Variants in BCKDHA observed in about 807,000 individuals in gnomAD.
BCKDHA encodes 2-oxoisovalerate dehydrogenase subunit alpha, mitochondrial.
In BCKDHA, 43 loss-of-function variants were observed where a neutral mutation model predicts 52.2. That is an observed-to-expected ratio of 0.82 (90% CI 0.64 to 1.06). The LOEUF (loss-of-function observed/expected upper bound fraction) is 1.06. Among genes scored for constraint, BCKDHA ranks in the 50% least tolerant of loss-of-function variants. The pLI is 0.00. For synonymous variants in BCKDHA, 234 were observed against 247.9 expected, an observed-to-expected ratio of 0.94 and a Z score of 0.53; for missense variants, 527 against 621.3, an observed-to-expected ratio of 0.85 and a Z score of 1.61.
In BCKDHA at chr19:41,400,822, C is replaced by A. The variant is rs527553508; in HGVS notation, c.108+2887C>A. ...GCCAGGAGTTCAAGACCAGCCTGGC[C>A]AACATGGTGAAACCCCATCTCTACT... is the stretch of plus-strand genomic sequence containing the variant. On this transcript the variant is annotated intron_variant, in intron 1 of 8. Transcript: ENST00000269980. Among the ~76,000 whole-genome samples, 897 of 151,822 alleles carry A rather than the reference C, an allele frequency of 5.9e-3. 4 individuals are homozygous for A. The highest frequency in any genetic ancestry group is 0.017 in the Middle Eastern group (5 of 294).
chr19:41,417,427 G>C (rs1484383453), intron 4 of BCKDHA, among the ~76,000 whole-genome samples: 1 of 152,056 alleles, frequency 6.6e-6, no homozygotes, highest in Non-Finnish European at 1.5e-5. Flanking sequence ...CAGTCCCTTG[G>C]ACCTTCTTTG....
chr19:41,422,248 G>A lies in BCKDHA; in HGVS notation c.731G>A (p.Gly244Glu), dbSNP rs1488566123. ...CYFGEGAASEGDAHAGFNFAA... is the reference protein window; with the variant it reads ...CYFGEGAASEEDAHAGFNFAA... Reference sequence around the variant, plus strand: ...TTCGGCGAGGGGGCAGCCAGTGAGGGGGACGCCCATGCCGGCTTCAACTTC... The same window carrying A: ...TTCGGCGAGGGGGCAGCCAGTGAGGAGGACGCCCATGCCGGCTTCAACTTC... Residue 244 changes from glycine (G) to glutamate (E), a missense_variant, in exon 6 of 9, where the codon GGG becomes GAG. Coordinates refer to ENST00000269980, the MANE Select transcript of BCKDHA (RefSeq NM_000709.4). The A allele has an allele frequency of 6.2e-7, 1 of 1,614,182 alleles. No homozygotes were observed. The highest frequency in any genetic ancestry group is 8.5e-7 in the Non-Finnish European group (1 of 1,179,992).
At chr19:41,405,885 G>A (rs1012414239) in intron 1 of BCKDHA, among the ~76,000 whole-genome samples, 1 of 152,224 alleles carries the variant, frequency 6.6e-6, no homozygotes, top group Non-Finnish European at 1.5e-5. Flanking sequence ...CATGGTGGGA[G>A]AGGACGTGGC....
chr19:41,405,130 C>T (rs1233076471), intron 1 of BCKDHA, among the ~76,000 whole-genome samples: 3 of 152,100 alleles, frequency 2.0e-5, no homozygotes, highest in Non-Finnish European at 2.9e-5. Flanking sequence ...AATACTTACT[C>T]ACTACTTGTG....
intron 5 of BCKDHA, among the ~76,000 whole-genome samples, chr19:41,419,794 T>C (rs1407153428): frequency 1.4e-5 from 2 of 141,594 alleles, no homozygotes; most frequent in Non-Finnish European, 1.5e-5. Context: ...TGAGACGGGG[T>C]TTCACTCTCG....
At chr19:41,424,311 C>A in intron 8 of BCKDHA, 127 bp from the exon 9 acceptor site, 1 of 1,033,208 alleles carries the variant, frequency 9.7e-7, no homozygotes, top group Middle Eastern at 2.1e-4. Context: ...CTAGGATAAT[C>A]ATTTCCATTG....
At chr19:41,405,920 A>C (rs1001009976) in intron 1 of BCKDHA, among the ~76,000 whole-genome samples, 12 of 152,180 alleles carry the variant, frequency 7.9e-5, no homozygotes, top group African/African-American at 2.9e-4. Flanking sequence ...AAATCTGTGC[A>C]GCCTCTGCCA....
intron 1 of BCKDHA, among the ~76,000 whole-genome samples, chr19:41,407,325 C>T (rs1426399863): frequency 6.6e-6 from 1 of 152,148 alleles, no homozygotes; most frequent in Non-Finnish European, 1.5e-5. Context: ...GAAATTAGAA[C>T]CCAGGGCAGT....
chr19:41,402,611 C>T (rs1430400437), intron 1 of BCKDHA, among the ~76,000 whole-genome samples: 2 of 152,018 alleles, frequency 1.3e-5, no homozygotes, highest in Admixed American at 1.3e-4. Flanking sequence ...TCAAGTCTTG[C>T]AACATTCTTC....
Position 41,424,994 on chromosome 19 carries a change from G to T in BCKDHA, c.*386G>T. 1 of 187,938 alleles carries T rather than the reference G, an allele frequency of 5.3e-6. No individual in the cohort carries two copies. Among genetic ancestry groups the T allele is most frequent in the Non-Finnish European group, 1.1e-5 (1 of 90,436 alleles). 11.6% of individuals were successfully genotyped at this position (187,938 alleles called of 1,614,324 possible). A position where few individuals can be genotyped will look rare whatever the true frequency, so the allele number is the denominator to read the frequency against. On this transcript the variant is annotated 3_prime_UTR_variant, in exon 9 of 9. Coordinates refer to ENST00000269980, the MANE Select transcript of BCKDHA (RefSeq NM_000709.4). Reference sequence around the variant, plus strand: ...ACGAATAAACTGCATCTCTGCGCCTGGCTCTCTACCACCTCTGGTCTTTGT... The same window carrying T: ...ACGAATAAACTGCATCTCTGCGCCTTGCTCTCTACCACCTCTGGTCTTTGT...
intron 1 of BCKDHA, among the ~76,000 whole-genome samples, chr19:41,402,216 A>G (rs2039146407): frequency 1.3e-5 from 2 of 152,084 alleles, no homozygotes; most frequent in East Asian, 1.9e-4. Flanking sequence ...TTCCCACAAC[A>G]TGTGGGAATT....
Position 41,424,596 on chromosome 19 carries a change from C to G in BCKDHA, c.1326C>G (p.His442Gln). 6.2e-7 allele frequency: 1 copy of G among 1,605,198 alleles called. No individual in the cohort carries two copies. Among genetic ancestry groups the G allele is most frequent in the Non-Finnish European group, 8.5e-7 (1 of 1,173,874 alleles). The change falls in exon 9 of 9, where the codon CAC becomes CAG. Residue 442 changes from histidine (H) to glutamine (Q), a missense_variant. Physicochemically the swap from His to Gln is conservative, Grantham distance 24. Coordinates refer to ENST00000269980, the MANE Select transcript of BCKDHA (RefSeq NM_000709.4). ...QTYGEHYPLD[H>Q]FDK ...ACGGGGAGCACTACCCACTGGATCACTTCGATAAGTGAGACCTGCTCAGCC... is the reference window on the plus strand; with the variant it reads ...ACGGGGAGCACTACCCACTGGATCAGTTCGATAAGTGAGACCTGCTCAGCC...
chr19:41,403,543 G>A (rs1446517752), intron 1 of BCKDHA, among the ~76,000 whole-genome samples: 1 of 152,222 alleles, frequency 6.6e-6, no homozygotes, highest in South Asian at 2.1e-4. Context: ...AGGGCGCCAG[G>A]CTTTCTTCTC....
rs1173147378 is a variant in BCKDHA, at chr19:41,422,802, C to T, written c.995+32C>T. On this transcript the variant is annotated intron_variant, in intron 7 of 8. Coordinates refer to ENST00000269980, the MANE Select transcript of BCKDHA (RefSeq NM_000709.4). Reference sequence around the variant, plus strand: ...GCCGCTCCCCCCGTCAGCACCCCCACAGCACTGACAGCCACCGTAGCATCT... The same window carrying T: ...GCCGCTCCCCCCGTCAGCACCCCCATAGCACTGACAGCCACCGTAGCATCT... The T allele has an allele frequency of 2.5e-6, 4 of 1,611,880 alleles. No individual in the cohort carries two copies. In the South Asian group the frequency reaches 3.3e-5, roughly 13 times the overall value.
chr19:41,406,980 AG>A (rs2039200307), intron 1 of BCKDHA, among the ~76,000 whole-genome samples: 1 of 152,126 alleles, frequency 6.6e-6, no homozygotes, highest in African/African-American at 2.4e-5. Flanking sequence ...CTCCCACCTC[AG>A]CCTCCCAAAG....
chr19:41,413,901 A>T, intron 3 of BCKDHA, 148 bp from the exon 4 acceptor site: 1 of 725,424 alleles, frequency 1.4e-6, no homozygotes, highest in Non-Finnish European at 2.5e-6. Flanking sequence ...TCTTAAAGGC[A>T]GGAACCCCAG....
intron 1 of BCKDHA, among the ~76,000 whole-genome samples, chr19:41,404,079 A>C (rs574348395): frequency 9.2e-5 from 14 of 152,094 alleles, no homozygotes; most frequent in African/African-American, 3.1e-4. Flanking sequence ...TCCTCGGCTC[A>C]AGCGATTCTC....
intron 4 of BCKDHA, 30 bp from the exon 5 acceptor site, chr19:41,419,105 T>G: frequency 6.2e-7 from 1 of 1,613,792 alleles, no homozygotes; most frequent in Non-Finnish European, 8.5e-7. Flanking sequence ...TACTGCCCAC[T>G]CGGCTAACCA....
chr19:41,414,951 C>T (rs2039292865), intron 4 of BCKDHA, among the ~76,000 whole-genome samples: 1 of 152,150 alleles, frequency 6.6e-6, no homozygotes. Context: ...GGTAGCCCTT[C>T]CCAAGACAGC....
Sources: gnomAD v4.1 joint callset for allele counts (sites outside exome capture counted in the v4.1 genomes callset) on GRCh38, gnomAD v4.1.1 for gene constraint, MANE v1.5 for transcripts, NCBI Gene and HGNC (gene_info 2026-07-23, HGNC 2026-07-21) for gene names.